Variants in ZSCAN5A observed in about 807,000 individuals in gnomAD.
ZSCAN5A encodes zinc finger and SCAN domain containing 5A.
ZSCAN5A carries 12 observed loss-of-function variants against 23.7 expected under a neutral mutation model. That is an observed-to-expected ratio of 0.51 (90% CI 0.32 to 0.82). The LOEUF is 0.82. ZSCAN5A is among the 40% of genes least tolerant of loss of function. The pLI is 0.03. For missense variants in ZSCAN5A, 597 were observed against 617.9 expected (o/e 0.97, Z 0.36); for synonymous variants, 257 against 239.9 (o/e 1.07, Z -0.66).
chr19:56,247,029 TG>T, intron 2 of ZSCAN5A: 1 of 951,804 alleles, frequency 1.1e-6, no homozygotes, highest in Non-Finnish European at 1.7e-6. Flanking sequence ...GTCACCCCAA[TG>T]GCCAAGAAGC....
chr19:56,334,464 A>AT (rs2041516743), intron 2 of ZSCAN5A, among the ~76,000 whole-genome samples: 1 of 152,014 alleles, frequency 6.6e-6, no homozygotes, highest in Non-Finnish European at 1.5e-5. Flanking sequence ...ATTTATTTTT[A>AT]TTTTTTATTT....
chr19:56,358,893 C>T (rs2041714837), intron 2 of ZSCAN5A, among the ~76,000 whole-genome samples: 2 of 152,128 alleles, frequency 1.3e-5, no homozygotes, highest in African/African-American at 2.4e-5. Context: ...GAAGAGACAA[C>T]ATACCAGACT....
intron 2 of ZSCAN5A, among the ~76,000 whole-genome samples, chr19:56,354,892 A>G (rs567579754): frequency 3.3e-5 from 5 of 152,322 alleles, no homozygotes; most frequent in African/African-American, 9.6e-5. Context: ...TCTTGTTCCA[A>G]TCTACTGTGT....
chr19:56,228,357 G>A, intron 2 of ZSCAN5A: 1 of 985,170 alleles, frequency 1.0e-6, no homozygotes, highest in Non-Finnish European at 1.2e-6. Flanking sequence ...TCCAGGCCGC[G>A]TTTCCGGTTC....
At chr19:56,280,663 G>A (rs1266355754) in intron 2 of ZSCAN5A, 1 of 152,164 alleles carries the variant, frequency 6.6e-6, no homozygotes, top group Admixed American at 6.5e-5. Flanking sequence ...CAAGATTGAG[G>A]GGTTGGCATC....
intron 2 of ZSCAN5A, chr19:56,281,640 C>A (rs2038715509): frequency 4.2e-6 from 4 of 962,654 alleles, no homozygotes; most frequent in Non-Finnish European, 4.9e-6. Flanking sequence ...CCACTCTCTT[C>A]CTTGAATTTT....
intron 2 of ZSCAN5A, among the ~76,000 whole-genome samples, chr19:56,279,009 A>G (rs897266634): frequency 1.3e-5 from 2 of 152,224 alleles, no homozygotes; most frequent in Non-Finnish European, 2.9e-5. Flanking sequence ...AAACACCTTC[A>G]CAGACACACC....
intron 2 of ZSCAN5A, among the ~76,000 whole-genome samples, chr19:56,308,683 C>T (rs2040855877): frequency 6.6e-6 from 1 of 151,456 alleles, no homozygotes; most frequent in Non-Finnish European, 1.5e-5. Flanking sequence ...CTCCATTATG[C>T]CATTGCACAC....
rs1039258540 is a variant in ZSCAN5A, at chr19:56,352,462, C to T, written c.-358+10773G>A. 6.6e-6 allele frequency among the ~76,000 whole-genome samples: 1 copy of T among 152,086 alleles called. No homozygotes were observed. Among genetic ancestry groups the T allele is most frequent in the African/African-American group, 2.4e-5 (1 of 41,408 alleles). ...TTTCGGTGAAAAAATAAACATTTATCCTTAGATGCTGAGCGTGAATGTGAG... is the reference window on the plus strand; with the variant it reads ...TTTCGGTGAAAAAATAAACATTTATTCTTAGATGCTGAGCGTGAATGTGAG... On this transcript the variant is annotated intron_variant, in intron 2 of 6. Coordinates refer to the ZSCAN5A transcript ENST00000587340. This position sits in a 1 kb window ranked among gnomAD's most constrained non-coding sequence, Gnocchi z 4.2.
Position 56,221,527 on chromosome 19 carries a change from T to C in ZSCAN5A, c.*48A>G, listed in dbSNP as rs1201961052. The C allele has an allele frequency of 3.9e-6, 6 of 1,525,578 alleles. No homozygotes were observed. The highest frequency in any genetic ancestry group is 4.4e-6 in the Non-Finnish European group (5 of 1,138,838). The allele number at this position is 1,525,578 out of a possible 1,614,324, so 94.5% of individuals were successfully genotyped here. A position where few individuals can be genotyped will look rare whatever the true frequency, so the allele number is the denominator to read the frequency against. On this transcript the variant is annotated 3_prime_UTR_variant, in exon 6 of 6. Transcript: ENST00000683990. ...GTCATCTGATAACATTGATGAAAAA[T>C]ATCATTCACTTCTTCTTGGTGCAGA...
At chr19:56,224,073 T>C (rs557333540) in intron 3 of ZSCAN5A, among the ~76,000 whole-genome samples, 1 of 151,758 alleles carries the variant, frequency 6.6e-6, no homozygotes, top group South Asian at 2.1e-4. Context: ...GTCCTTTAGA[T>C]GAAATAGTCT....
At chr19:56,362,697 G>T (rs551623466) in intron 2 of ZSCAN5A, among the ~76,000 whole-genome samples, 12 of 151,928 alleles carry the variant, frequency 7.9e-5, no homozygotes, top group African/African-American at 2.7e-4. Context: ...GTAAAACCCC[G>T]TCTCTACTGA....
chr19:56,356,091 G>T (rs2041698880), intron 2 of ZSCAN5A, among the ~76,000 whole-genome samples: 4 of 148,374 alleles, frequency 2.7e-5, no homozygotes, highest in Admixed American at 2.7e-4. Flanking sequence ...GTACCACATT[G>T]TCCCAGAAGG....
intron 2 of ZSCAN5A, among the ~76,000 whole-genome samples, chr19:56,262,893 C>T (rs946632466): frequency 2.0e-5 from 3 of 152,110 alleles, no homozygotes; most frequent in African/African-American, 4.8e-5. Flanking sequence ...TTATTTCCAA[C>T]GTTTATCTAT....
intron 2 of ZSCAN5A, among the ~76,000 whole-genome samples, 200 bp downstream of exon 2, chr19:56,313,083 C>T (rs189744913): frequency 2.8e-3 from 429 of 152,330 alleles, no homozygotes; most frequent in African/African-American, 0.01. Flanking sequence ...TCATAGGAAG[C>T]TCTTGTCTTT....
chr19:56,307,433 T>C (rs1211239919), intron 2 of ZSCAN5A, among the ~76,000 whole-genome samples: 1 of 152,156 alleles, frequency 6.6e-6, no homozygotes, highest in Non-Finnish European at 1.5e-5. Flanking sequence ...GGAATCCCAA[T>C]ATATAAAAAA....
intron 2 of ZSCAN5A, among the ~76,000 whole-genome samples, chr19:56,287,700 T>C (rs2039231477): frequency 6.6e-6 from 1 of 152,078 alleles, no homozygotes; most frequent in African/African-American, 2.4e-5. Flanking sequence ...CACAGACTCA[T>C]GGGGCTAGAA....
intron 2 of ZSCAN5A, among the ~76,000 whole-genome samples, chr19:56,360,640 T>C (rs937801128): frequency 8.5e-5 from 13 of 152,062 alleles, no homozygotes; most frequent in Non-Finnish European, 4.4e-5. Context: ...ATGCAGAAAA[T>C]TGAAACTGGA....
chr19:56,312,942 C>A (rs1244744246), intron 2 of ZSCAN5A, among the ~76,000 whole-genome samples: 1 of 152,184 alleles, frequency 6.6e-6, no homozygotes, highest in South Asian at 2.1e-4. Context: ...GTCAGCACAC[C>A]ATGCTTGTTA....
Sources: gnomAD v4.1 joint callset for allele counts (sites outside exome capture counted in the v4.1 genomes callset) on GRCh38, gnomAD v4.1.1 for gene constraint, Gnocchi (gnomAD v3.1) non-coding constraint, MANE v1.5 for transcripts, NCBI Gene and HGNC (gene_info 2026-07-23, HGNC 2026-07-21) for gene names.